The following ADGRG7 variants were observed in gnomAD, a reference collection of about 807,000 sequenced individuals.
The protein encoded by ADGRG7 is adhesion G protein-coupled receptor G7, also known as G-protein coupled receptor 128.
In ADGRG7, 82 loss-of-function variants were observed where a neutral mutation model predicts 88.6. The ratio of observed to expected loss-of-function variants is 0.93; its 90% CI spans 0.77 to 1.11. ADGRG7 has a LOEUF of 1.11. Among genes scored for constraint, ADGRG7 ranks in the 50% most tolerant of loss-of-function variants. The probability of loss-of-function intolerance (pLI) is 0.00; values close to 1 mark genes in which losing one functional copy is unlikely to be tolerated. For missense variants in ADGRG7, 945 were observed against 953.4 expected (o/e 0.99, Z 0.12); for synonymous variants, 381 against 345.2 (o/e 1.10, Z -1.15).
chr3:100,618,621 C>T (rs1391537174), intron 1 of ADGRG7, among the ~76,000 whole-genome samples: 2 of 152,030 alleles, frequency 1.3e-5, no homozygotes, highest in African/African-American at 4.8e-5. Context: ...TTACTGTAGC[C>T]TTGTAGTATA....
chr3:100,687,925 T>G (rs1229750817), intron 15 of ADGRG7, among the ~76,000 whole-genome samples: 1 of 152,180 alleles, frequency 6.6e-6, no homozygotes, highest in African/African-American at 2.4e-5. Context: ...TCTTTTTCTA[T>G]TGATTGGAAT....
At position 100,695,263 on chromosome 3, in the gene ADGRG7, C is replaced by A. The variant is rs79793750; in HGVS notation, c.*262C>A. The A allele has an allele frequency of 0.016, 5,605 of 360,060 alleles. 294 individuals carry two copies. Among genetic ancestry groups the A allele is most frequent in the African/African-American group, 0.11 (5,194 of 47,620 alleles). The allele number at this position is 360,060 out of a possible 1,614,324, so 22.3% of individuals were successfully genotyped here. ...ACCATTGTTCCTTATATCGTTAAAT[C>A]TTTGTGACACACTTTGACAAAAATG... On this transcript the variant is annotated 3_prime_UTR_variant, in exon 16 of 16. Coordinates refer to ENST00000273352, the MANE Select transcript of ADGRG7 (RefSeq NM_032787.3).
intron 1 of ADGRG7, among the ~76,000 whole-genome samples, chr3:100,628,955 A>G (rs1436057922): frequency 6.6e-6 from 1 of 152,072 alleles, no homozygotes; most frequent in East Asian, 1.9e-4. Context: ...TTCCTTCAAG[A>G]TTAAATCTTC....
chr3:100,635,664 GT>G lies in ADGRG7; in HGVS notation c.448-8del, dbSNP rs778580966. The G allele has an allele frequency of 1.5e-5, 24 of 1,602,856 alleles. No individual in the cohort carries two copies. The highest frequency in any genetic ancestry group is 1.7e-4 in the Middle Eastern group (1 of 5,986). On this transcript the variant is annotated splice_polypyrimidine_tract_variant and intron_variant, in intron 4 of 15. Coordinates refer to ENST00000273352, the MANE Select transcript of ADGRG7 (RefSeq NM_032787.3). ...GTGTAAAGCTAGGGTTTTTTTTCTGGTTTTTAAAACAGGTAAAGGATGTCAC... is the reference window on the plus strand; with the variant it reads ...GTGTAAAGCTAGGGTTTTTTTTCTGGTTTTAAAACAGGTAAAGGATGTCAC...
At chr3:100,682,440 C>G (rs2094974812) in intron 15 of ADGRG7, among the ~76,000 whole-genome samples, 1 of 152,354 alleles carries the variant, frequency 6.6e-6, no homozygotes, top group East Asian at 1.9e-4. Context: ...CCCAACCCGC[C>G]GACGGCGCCA....
At chr3:100,635,041 G>T (rs983050908) in intron 4 of ADGRG7, among the ~76,000 whole-genome samples, 12 of 145,350 alleles carry the variant, frequency 8.3e-5, no homozygotes, top group African/African-American at 3.2e-4. Context: ...ACACACACAC[G>T]TGCGCGCGCA....
chr3:100,643,367 C>A lies in ADGRG7; in HGVS notation c.800C>A (p.Ala267Glu). Residue 267 changes from alanine (A) to glutamate (E), a missense_variant, in exon 7 of 16, where the codon GCG (alanine) becomes GAG (glutamate). By Grantham distance (107) the Ala-to-Glu change is moderately radical. Transcript: ENST00000273352. ...IQSANFSSEN[A>E]VGPSNVRFSV... ...TCAGCAAATTTCTCTTCAGAAAATG[C>A]GGTGGGGCCTTCAAATGTTCGCTTC... 6.2e-7 allele frequency: 1 copy of A among 1,613,950 alleles called. No individual in the cohort carries two copies. Among genetic ancestry groups the A allele is most frequent in the Non-Finnish European group, 8.5e-7 (1 of 1,179,894 alleles).
At chr3:100,611,228 G>A (rs1466072394) in intron 1 of ADGRG7, among the ~76,000 whole-genome samples, 2 of 147,528 alleles carry the variant, frequency 1.4e-5, no homozygotes, top group East Asian at 4.2e-4. Context: ...ACTTCACAAA[G>A]TTTTGTTTGT....
chr3:100,622,264 A>ATTTTTTTT (rs57699713), intron 1 of ADGRG7, among the ~76,000 whole-genome samples: 89 of 130,890 alleles, frequency 6.8e-4, no homozygotes, highest in East Asian at 5.9e-3. Context: ...CTCTATATTC[A>ATTTTTTTT]TTTTTTTTTT....
rs2095000309 is a variant in ADGRG7, at chr3:100,695,173, T to A, written c.*172T>A. 2 of 634,886 alleles carry A rather than the reference T, an allele frequency of 3.2e-6. No individual in the cohort carries two copies. The highest frequency in any genetic ancestry group is 4.5e-5 in the South Asian group (2 of 44,724). The allele number at this position is 634,886 out of a possible 1,614,324, so 39.3% of individuals were successfully genotyped here. ...TTATTCGGCATAATGGACTTGGTAGTTTTTCTATTTTTCAATAGATTTGTA... is the reference window on the plus strand; with the variant it reads ...TTATTCGGCATAATGGACTTGGTAGATTTTCTATTTTTCAATAGATTTGTA... On this transcript the variant is annotated 3_prime_UTR_variant, in exon 16 of 16. Transcript: ENST00000273352.
At chr3:100,690,471 G>C (rs1423856194) in intron 15 of ADGRG7, among the ~76,000 whole-genome samples, 1 of 152,118 alleles carries the variant, frequency 6.6e-6, no homozygotes, top group East Asian at 1.9e-4. Flanking sequence ...AGGTTTTTCT[G>C]CTCGGTTTTT....
chr3:100,669,067 G>A lies in ADGRG7; in HGVS notation c.2098G>A (p.Val700Ile), dbSNP rs116022671. The change falls in exon 15 of 16, where the codon GTC (valine) becomes ATC (isoleucine). Residue 700 changes from valine (V) to isoleucine (I), a missense_variant. Val to Ile is a conservative substitution (Grantham distance 29). Transcript: ENST00000273352. ...MLVNDDSIRIVFSYIFCLFNT... is the reference protein window; with the variant it reads ...MLVNDDSIRIIFSYIFCLFNT... ...AGTTAATGATGATAGCATCAGGATC[G>A]TCTTCAGCTACATATTCTGCCTTTT... is the stretch of plus-strand genomic sequence containing the variant. 5 of 1,597,228 alleles carry A rather than the reference G, an allele frequency of 3.1e-6. No homozygotes were observed. The highest frequency in any genetic ancestry group is 3.4e-6 in the Non-Finnish European group (4 of 1,173,182).
Position 100,635,705 on chromosome 3 carries a change from A to G in ADGRG7, c.476A>G (p.Asn159Ser). ...AAGGATGTCACAGCACCACTTAATA[A>G]CATTTCTTCTGAAGTCCAGATTTTA... ...QVKDVTAPLN[N>S]ISSEVQILTS... Residue 159 changes from asparagine to serine, a missense_variant, in exon 5 of 16, where the codon AAC (asparagine) becomes AGC (serine). By Grantham distance (46) the Asn-to-Ser change is conservative (BLOSUM62 1). Coordinates refer to ENST00000273352, the MANE Select transcript of ADGRG7 (RefSeq NM_032787.3). 6.2e-7 allele frequency: 1 copy of G among 1,613,972 alleles called. No homozygotes were observed. The highest frequency in any genetic ancestry group is 8.5e-7 in the Non-Finnish European group (1 of 1,179,932).
chr3:100,694,928 G>A lies in ADGRG7; in HGVS notation c.2321G>A (p.Arg774Lys), dbSNP rs760197317. The A allele has an allele frequency of 1.9e-6, 3 of 1,614,094 alleles. No homozygotes were observed. Among genetic ancestry groups the A allele is most frequent in the Middle Eastern group, 1.6e-4 (1 of 6,062 alleles). The change falls in exon 16 of 16, where the codon AGG becomes AAG. Residue 774 changes from arginine (R) to lysine (K), a missense_variant. Arg to Lys is a conservative substitution (Grantham distance 26). Transcript: ENST00000273352. The stretch of plus-strand genomic sequence containing the variant: ...TTGCCAACCTTACATGAACGCTTTA[G>A]GCTACTGGAAACCTCTCCGAGTACT... ...RSLPTLHERFRLLETSPSTEE... is the reference protein window; with the variant it reads ...RSLPTLHERFKLLETSPSTEE...
At chr3:100,617,416 G>A (rs2149011684) in intron 1 of ADGRG7, among the ~76,000 whole-genome samples, 1 of 138,896 alleles carries the variant, frequency 7.2e-6, no homozygotes, top group East Asian at 2.1e-4. Flanking sequence ...TCCCCTTCCT[G>A]TGTCCATGGG....
At position 100,635,768 on chromosome 3, in the gene ADGRG7, C is replaced by T. The variant is rs199704593; in HGVS notation, c.539C>T (p.Thr180Ile). ...DANKLTAENI[T>I]SATRVVGQIF... ...AATAAATTAACTGCTGAGAACATCA[C>T]TAGTGCTACGCGAGTGGTTGGACAG... Residue 180 changes from threonine (T) to isoleucine (I), a missense_variant, in exon 5 of 16, where the codon ACT (threonine) becomes ATT (isoleucine). Thr to Ile is a moderately conservative substitution (Grantham distance 89). Transcript: ENST00000273352. 6.2e-7 allele frequency: 1 copy of T among 1,613,940 alleles called. No individual in the cohort carries two copies. Among genetic ancestry groups the T allele is most frequent in the Non-Finnish European group, 8.5e-7 (1 of 1,179,872 alleles).
intron 14 of ADGRG7, among the ~76,000 whole-genome samples, chr3:100,662,992 T>C (rs1419387873): frequency 6.6e-6 from 1 of 152,070 alleles, no homozygotes; most frequent in Non-Finnish European, 1.5e-5. Flanking sequence ...AATCTCCCCA[T>C]AGAACAGATA....
Position 100,643,529 on chromosome 3 carries a change from C to A in ADGRG7, c.842C>A (p.Ala281Asp). 6.2e-7 allele frequency: 1 copy of A among 1,612,662 alleles called. No homozygotes were observed. The highest frequency in any genetic ancestry group is 8.5e-7 in the Non-Finnish European group (1 of 1,179,198). Reference sequence around the variant, plus strand: ...TCTACTCTTTCCCTTCTCATAGGAGCTAGCAGTTCTCTAGTTTCTAGTTCA... The same window carrying A: ...TCTACTCTTTCCCTTCTCATAGGAGATAGCAGTTCTCTAGTTTCTAGTTCA... The part of the protein sequence containing the change: ...SNVRFSVQKG[A>D]SSSLVSSSTF... The change falls in exon 8 of 16, where the codon GCT becomes GAT. Residue 281 changes from alanine to aspartate, a missense_variant. Coordinates refer to ENST00000273352, the MANE Select transcript of ADGRG7 (RefSeq NM_032787.3).
At chr3:100,618,233 T>G (rs1707253527) in intron 1 of ADGRG7, among the ~76,000 whole-genome samples, 1 of 152,178 alleles carries the variant, frequency 6.6e-6, no homozygotes, top group African/African-American at 2.4e-5. Flanking sequence ...AGATCCCATT[T>G]GTCAATTTTG....
Sources: gnomAD v4.1 joint callset for allele counts (sites outside exome capture counted in the v4.1 genomes callset) on GRCh38, gnomAD v4.1.1 for gene constraint, MANE v1.5 for transcripts, NCBI Gene and HGNC (gene_info 2026-07-23, HGNC 2026-07-21) for gene names.